The following RNF217 variants were observed in gnomAD, a reference collection of about 807,000 sequenced individuals.
RNF217 encodes ring finger protein 217.
RNF217 carries 31 observed loss-of-function variants against 57.8 expected under a neutral mutation model. The observed-to-expected ratio is 0.54, with a 90% CI of 0.40 to 0.72. The LOEUF (loss-of-function observed/expected upper bound fraction) is 0.72, where lower values mean the gene tolerates loss of function less well. Ranked by LOEUF, RNF217 falls within the 30% of genes least tolerant of loss-of-function variation. The pLI is 0.00. For synonymous variants in RNF217, 313 were observed against 294.0 expected (o/e 1.06, Z -0.66); for missense variants, 696 against 708.3 (o/e 0.98, Z 0.20).
At chr6:125,021,662 A>T (rs1017647819) in intron 1 of RNF217, among the ~76,000 whole-genome samples, 1 of 152,132 alleles carries the variant, frequency 6.6e-6, no homozygotes, top group Non-Finnish European at 1.5e-5. Context: ...TTATATGAAA[A>T]TGTTGATATT....
chr6:125,089,491 A>C lies in RNF217; in HGVS notation c.*6554A>C, dbSNP rs1788871166. ...ATTCATGCTCTGTGAACATTGTTAG[A>C]TTTTTAATAATCTAAAGTAGGTCAC... On this transcript the variant is annotated 3_prime_UTR_variant, in exon 6 of 6. Coordinates refer to ENST00000521654, the MANE Select transcript of RNF217 (RefSeq NM_001286398.3). The C allele has an allele frequency of 6.6e-6, 1 of 152,212 alleles. No individual in the cohort carries two copies. Among genetic ancestry groups the C allele is most frequent in the African/African-American group, 2.4e-5 (1 of 41,462 alleles). The allele number at this position is 152,212 out of a possible 1,614,324, so 9.4% of individuals were successfully genotyped here.
rs61496685 is a variant in RNF217, at chr6:125,071,484, A to ATGTGTGTGTGTG, written c.1282-5131_1282-5120dup. The stretch of plus-strand genomic sequence containing the variant: ...TTCAACTTGGAGCATCTGCCTACAT[A>ATGTGTGTGTGTG]TGTGTGTGTGTGTGTGTGTGTGTGT... On this transcript the variant is annotated intron_variant, in intron 3 of 5. Coordinates refer to ENST00000521654, the MANE Select transcript of RNF217 (RefSeq NM_001286398.3). Among the ~76,000 whole-genome samples, 5 of 136,838 alleles carry ATGTGTGTGTGTG rather than the reference A, an allele frequency of 3.7e-5. No individual in the cohort carries two copies. In the East Asian group the frequency reaches 1.1e-3, roughly 31 times the overall value. The allele number at this position is 136,838 out of a possible 152,430, so 89.8% of individuals were successfully genotyped here.
Position 125,005,377 on chromosome 6 carries a change from T to G in RNF217, c.883-39834T>G, listed in dbSNP as rs1261945574. Reference sequence around the variant, plus strand: ...TGTGCAAAATGTTGACTCTGCAACTTAAAGACAAATATGGCTTGCATAACA... The same window carrying G: ...TGTGCAAAATGTTGACTCTGCAACTGAAAGACAAATATGGCTTGCATAACA... On this transcript the variant is annotated intron_variant, in intron 1 of 5. Coordinates refer to ENST00000521654, the MANE Select transcript of RNF217 (RefSeq NM_001286398.3). Among the ~76,000 whole-genome samples, 8 of 152,184 alleles carry G rather than the reference T, an allele frequency of 5.3e-5. No homozygotes were observed. In the South Asian group the frequency reaches 1.0e-3, roughly 20 times the overall value.
intron 1 of RNF217, chr6:124,971,393 A>T (rs1400783124): frequency 8.5e-6 from 2 of 236,050 alleles, no homozygotes; most frequent in Non-Finnish European, 1.8e-5. Flanking sequence ...ACTTGTAAGG[A>T]AATCAAGAGG....
rs1261183125 is a variant in RNF217, at chr6:124,962,939, A to G, written c.395A>G (p.Glu132Gly). Residue 132 changes from glutamate (E) to glycine (G), a missense_variant, in exon 1 of 6, where the codon GAG becomes GGG. This residue lies in a region of RNF217 where 465 missense variants were observed against 386.8 expected (regional missense o/e 1.20). Transcript: ENST00000521654. This position sits in a 1 kb window ranked among gnomAD's most constrained non-coding sequence, Gnocchi z 4.6. The stretch of plus-strand genomic sequence containing the variant: ...CAGCAGGAGGCGCCCCCCGGCGAAG[A>G]GCTGGAGCCCAGGACCCGCGTGGGG... ...DEQQEAPPGE[E>G]LEPRTRVGAA... is the part of the protein sequence containing the mutation. 6.3e-7 allele frequency: 1 copy of G among 1,597,902 alleles called. No individual in the cohort carries two copies. The highest frequency in any genetic ancestry group is 1.7e-5 in the Admixed American group (1 of 60,004).
At chr6:125,012,656 T>C (rs984953146) in intron 1 of RNF217, among the ~76,000 whole-genome samples, 2 of 152,162 alleles carry the variant, frequency 1.3e-5, no homozygotes, top group Admixed American at 1.3e-4. Flanking sequence ...TGTTTTCCTT[T>C]GGTGCTCCTT....
intron 2 of RNF217, among the ~76,000 whole-genome samples, chr6:125,052,710 T>C (rs1167065655): frequency 6.6e-6 from 1 of 152,112 alleles, no homozygotes; most frequent in African/African-American, 2.4e-5. Context: ...CATTTTCTCC[T>C]CTCTATAACA....
intron 1 of RNF217, among the ~76,000 whole-genome samples, chr6:124,991,301 C>G (rs554740512): frequency 6.6e-6 from 1 of 152,302 alleles, no homozygotes; most frequent in East Asian, 1.9e-4. Context: ...GCATTAGGAC[C>G]TTTCCAGTAG....
intron 1 of RNF217, among the ~76,000 whole-genome samples, chr6:125,042,578 T>C (rs944927122): frequency 6.6e-6 from 1 of 152,088 alleles, no homozygotes; most frequent in South Asian, 2.1e-4. Context: ...GGAAGTAATA[T>C]ATTCTTCGGA....
rs1312956082 is a variant in RNF217, at chr6:125,013,945, T to C, written c.883-31266T>C. Among the ~76,000 whole-genome samples, 3 of 152,228 alleles carry C rather than the reference T, an allele frequency of 2.0e-5. No individual in the cohort carries two copies. The East Asian group carries it at 5.8e-4, about 29-fold the overall frequency. On this transcript the variant is annotated intron_variant, in intron 1 of 5. Coordinates refer to ENST00000521654, the MANE Select transcript of RNF217 (RefSeq NM_001286398.3). Reference sequence around the variant, plus strand: ...AAATCCTAGAAACATAATGCCCCGCTGACTACATGTGCAAGTTATACTGTC... The same window carrying C: ...AAATCCTAGAAACATAATGCCCCGCCGACTACATGTGCAAGTTATACTGTC...
chr6:125,014,885 G>A (rs1785546851), intron 1 of RNF217, among the ~76,000 whole-genome samples: 1 of 152,040 alleles, frequency 6.6e-6, no homozygotes, highest in Non-Finnish European at 1.5e-5. Flanking sequence ...CTGAACTTTT[G>A]AGCAAACCCA....
chr6:125,017,109 A>G (rs1785643466), intron 1 of RNF217, among the ~76,000 whole-genome samples: 1 of 152,158 alleles, frequency 6.6e-6, no homozygotes, highest in Admixed American at 6.5e-5. Flanking sequence ...AGTACAACTT[A>G]AAATTTTTAA....
intron 4 of RNF217, among the ~76,000 whole-genome samples, chr6:125,078,075 C>A (rs1788444358): frequency 6.6e-6 from 1 of 152,124 alleles, no homozygotes. Flanking sequence ...TTTTCCACAG[C>A]CAATAGCATT....
At chr6:124,972,704 G>A (rs766252266) in intron 1 of RNF217, among the ~76,000 whole-genome samples, 1 of 151,988 alleles carries the variant, frequency 6.6e-6, no homozygotes, top group African/African-American at 2.4e-5. Flanking sequence ...TTTCCTTGCT[G>A]CCCTAACTCT....
chr6:125,009,985 CTT>C (rs66917505), intron 1 of RNF217, among the ~76,000 whole-genome samples: 283 of 138,886 alleles, frequency 2.0e-3, no homozygotes, highest in Admixed American at 2.1e-3. Context: ...GCTTAGCATT[CTT>C]TTTTTTTTTT....
At chr6:124,973,129 G>A (rs75211966) in intron 1 of RNF217, among the ~76,000 whole-genome samples, 2,484 of 152,200 alleles carry the variant, frequency 0.016, 67 homozygotes, top group African/African-American at 0.057. Flanking sequence ...GAAAATTTCA[G>A]TATTTCATTT....
chr6:124,967,681 G>A (rs1204768228), intron 1 of RNF217, among the ~76,000 whole-genome samples: 3 of 152,210 alleles, frequency 2.0e-5, no homozygotes, highest in Non-Finnish European at 4.4e-5. Context: ...GTCTACTGTA[G>A]TCACCCTAGA....
chr6:125,074,519 C>A (rs1232848925), intron 3 of RNF217, among the ~76,000 whole-genome samples: 1 of 152,124 alleles, frequency 6.6e-6, no homozygotes, highest in Non-Finnish European at 1.5e-5. Context: ...ATCCCTAAAA[C>A]TGAAATACTG....
rs550773244 is a variant in RNF217, at chr6:124,973,067, A to G, written c.882+9641A>G. Among the ~76,000 whole-genome samples the G allele has an allele frequency of 5.3e-5, 8 of 152,344 alleles. No individual in the cohort carries two copies. The East Asian group carries it at 9.6e-4, about 18-fold the overall frequency. On this transcript the variant is annotated intron_variant, in intron 1 of 5. Coordinates refer to ENST00000521654, the MANE Select transcript of RNF217 (RefSeq NM_001286398.3). ...AATAATTAATACAGTAGGAGCTAAT[A>G]TCGTCAATATGTAAACTATTTGAAT...
Sources: gnomAD v4.1 joint callset for allele counts (sites outside exome capture counted in the v4.1 genomes callset) on GRCh38, gnomAD v4.1.1 for gene constraint, gnomAD v4.1.1 regional missense constraint, Gnocchi (gnomAD v3.1) non-coding constraint, MANE v1.5 for transcripts, NCBI Gene and HGNC (gene_info 2026-07-23, HGNC 2026-07-21) for gene names.